Variants in MYO1B observed in about 807,000 individuals in gnomAD.
MYO1B encodes unconventional myosin-Ib.
In MYO1B, 72 loss-of-function variants were observed where a neutral mutation model predicts 159.7. That is an observed-to-expected ratio of 0.45 (90% CI 0.37 to 0.55). The LOEUF is 0.55. Ranked by LOEUF, MYO1B falls within the 20% of genes least tolerant of loss-of-function variation. The pLI, the probability that MYO1B is intolerant of heterozygous loss-of-function variation, is 0.00. For missense variants in MYO1B, 1,062 were observed against 1,364.8 expected (o/e 0.78, Z 3.50); for synonymous variants, 468 against 473.8 (o/e 0.99, Z 0.16).
intron 23 of MYO1B, among the ~76,000 whole-genome samples, chr2:191,401,060 G>A (rs1477956046): frequency 6.6e-6 from 1 of 152,042 alleles, no homozygotes; most frequent in African/African-American, 2.4e-5. Context: ...AAAGGCACTA[G>A]TATCATTGCT....
chr2:191,419,257 T>C (rs1321039796), intron 30 of MYO1B, among the ~76,000 whole-genome samples: 1 of 152,176 alleles, frequency 6.6e-6, no homozygotes, highest in Non-Finnish European at 1.5e-5. Flanking sequence ...CTTGCACTGT[T>C]GCCCAGGCTG....
At chr2:191,365,585 T>C (rs1173394210) in intron 11 of MYO1B, among the ~76,000 whole-genome samples, 1 of 152,194 alleles carries the variant, frequency 6.6e-6, no homozygotes. Flanking sequence ...CACAGTCAGA[T>C]ACGAAGTAAC....
chr2:191,314,228 G>A (rs574732578), intron 3 of MYO1B, among the ~76,000 whole-genome samples: 37 of 152,268 alleles, frequency 2.4e-4, no homozygotes, highest in Non-Finnish European at 4.7e-4. Flanking sequence ...AAGTAAAACT[G>A]TTCATCCATT....
intron 1 of MYO1B, among the ~76,000 whole-genome samples, chr2:191,260,053 A>G (rs1287160218): frequency 1.3e-5 from 2 of 152,042 alleles, no homozygotes; most frequent in African/African-American, 2.4e-5. Context: ...AACTCTGGGA[A>G]CATCATTCTG....
intron 1 of MYO1B, among the ~76,000 whole-genome samples, chr2:191,252,197 TCA>T (rs1340508778): frequency 1.3e-5 from 2 of 152,360 alleles, no homozygotes; most frequent in Middle Eastern, 6.8e-3. Flanking sequence ...AATCGGTAGA[TCA>T]CAGTTTTGAG....
intron 1 of MYO1B, among the ~76,000 whole-genome samples, chr2:191,247,128 T>C (rs1260571531): frequency 6.6e-6 from 1 of 152,132 alleles, no homozygotes; most frequent in East Asian, 1.9e-4. Context: ...CAGGCATTCA[T>C]GGTTTGTGCC....
chr2:191,329,030 C>T (rs1691289242), intron 3 of MYO1B, among the ~76,000 whole-genome samples: 2 of 152,168 alleles, frequency 1.3e-5, no homozygotes, highest in Admixed American at 1.3e-4. Context: ...CTCTACACTC[C>T]AGCTTTTTCT....
At chr2:191,319,427 AATC>A (rs1690559485) in intron 3 of MYO1B, among the ~76,000 whole-genome samples, 1 of 152,194 alleles carries the variant, frequency 6.6e-6, no homozygotes, top group Non-Finnish European at 1.5e-5. Context: ...CCATGGTCTG[AATC>A]ATCGTCCTCT....
chr2:191,385,987 A>G lies in MYO1B; in HGVS notation c.1457A>G (p.His486Arg), dbSNP rs748161892. The G allele has an allele frequency of 2.0e-5, 32 of 1,613,988 alleles. No homozygotes were observed. The African/African-American group carries it at 3.3e-4, about 17-fold the overall frequency. The change falls in exon 16 of 31, where the codon CAC becomes CGC. Residue 486 changes from histidine to arginine, a missense_variant. Transcript: ENST00000392318. ...LEKLNQVCATHQHFESRMSKC... is the reference protein window; with the variant it reads ...LEKLNQVCATRQHFESRMSKC... ...AAGCTGAACCAAGTATGTGCCACCC[A>G]CCAGCATTTTGAGAGCAGGATGAGC...
intron 7 of MYO1B, among the ~76,000 whole-genome samples, chr2:191,356,861 T>G (rs773845893): frequency 2.0e-5 from 3 of 152,232 alleles, no homozygotes; most frequent in Non-Finnish European, 4.4e-5. Context: ...ATAAATTCAT[T>G]GAAAGAACCT....
chr2:191,342,679 T>A (rs1692297351), intron 5 of MYO1B, among the ~76,000 whole-genome samples: 1 of 152,104 alleles, frequency 6.6e-6, no homozygotes, highest in South Asian at 2.1e-4. Context: ...AAACCCCTTC[T>A]CTACTAAAAA....
chr2:191,399,135 A>G (rs10931500), intron 21 of MYO1B, among the ~76,000 whole-genome samples: 149,739 of 152,170 alleles, frequency 0.98, 73,711 homozygotes, highest in Middle Eastern at 1. Flanking sequence ...GCGTGGCGGC[A>G]CGCACCTGCA....
At chr2:191,258,060 A>T (rs1239946320) in intron 1 of MYO1B, among the ~76,000 whole-genome samples, 2 of 152,224 alleles carry the variant, frequency 1.3e-5, no homozygotes, top group African/African-American at 4.8e-5. Flanking sequence ...GAACCAATAT[A>T]TGTATCGCTT....
In MYO1B at chr2:191,392,192, C is replaced by A; in HGVS notation, c.2067C>A (p.Asn689Lys). The change falls in exon 19 of 31, where the codon AAC (asparagine) becomes AAA (lysine). Residue 689 changes from asparagine (N) to lysine (K), a missense_variant. Asn to Lys is a moderately conservative substitution (Grantham distance 94, BLOSUM62 0). Around this residue, in one of 5 missense-constraint regions of MYO1B, gnomAD observed 609 missense variants for 744.4 expected, o/e 0.82. Transcript: ENST00000392318. Reference protein sequence around the residue: ...SFGRSKIFIRNPRTLFKLEDL... With the variant: ...SFGRSKIFIRKPRTLFKLEDL... Reference sequence around the variant, plus strand: ...GTAGATCAAAGATATTCATCCGAAACCCAAGAACAGTATGTAACGAAAACC... The same window carrying A: ...GTAGATCAAAGATATTCATCCGAAAACCAAGAACAGTATGTAACGAAAACC... 6.2e-7 allele frequency: 1 copy of A among 1,602,590 alleles called. No individual in the cohort carries two copies. The highest frequency in any genetic ancestry group is 1.1e-5 in the South Asian group (1 of 89,460).
At chr2:191,285,716 C>T (rs765625049) in intron 2 of MYO1B, among the ~76,000 whole-genome samples, 16 of 152,108 alleles carry the variant, frequency 1.1e-4, no homozygotes, top group Non-Finnish European at 2.4e-4. Flanking sequence ...AGTGAGGGAA[C>T]CAGCTTGCAG....
At chr2:191,391,691 T>G (rs1695762092) in intron 18 of MYO1B, among the ~76,000 whole-genome samples, 1 of 152,198 alleles carries the variant, frequency 6.6e-6, no homozygotes, top group African/African-American at 2.4e-5. Flanking sequence ...CTGGGACTGT[T>G]TCTTGGTCTC....
At chr2:191,364,850 C>T (rs1306561894) in intron 11 of MYO1B, among the ~76,000 whole-genome samples, 1 of 152,174 alleles carries the variant, frequency 6.6e-6, no homozygotes, top group Non-Finnish European at 1.5e-5. Flanking sequence ...CTTGCTGGTG[C>T]TAGCTGGTTT....
intron 1 of MYO1B, among the ~76,000 whole-genome samples, chr2:191,256,865 C>T (rs533490062): frequency 2.9e-4 from 44 of 152,164 alleles, no homozygotes; most frequent in Admixed American, 4.6e-4. Flanking sequence ...AACTAGGTAA[C>T]GGTGTTGAAT....
Position 191,387,275 on chromosome 2 carries a change from C to T in MYO1B, c.1606C>T (p.Arg536Ter), listed in dbSNP as rs764822931. The change falls in exon 17 of 31, where the codon CGA becomes TGA. Residue 536 changes from arginine (R) to a stop codon, truncating the protein, a stop_gained. Coordinates refer to ENST00000392318, the MANE Select transcript of MYO1B (RefSeq NM_001130158.3). LOFTEE classifies it high-confidence loss of function. ...TGACAAAAACAATGACCTTCTCTATCGAGACCTGTCCCAAGCCATGTGGAA... is the reference window on the plus strand; with the variant it reads ...TGACAAAAACAATGACCTTCTCTATTGAGACCTGTCCCAAGCCATGTGGAA... The part of the protein sequence containing the change: ...FVDKNNDLLY[R>*]DLSQAMWKAS... The T allele has an allele frequency of 5.0e-6, 8 of 1,614,152 alleles. No homozygotes were observed. Among genetic ancestry groups the T allele is most frequent in the East Asian group, 2.2e-5 (1 of 44,884 alleles).
Sources: allele counts gnomAD v4.1 joint callset (sites outside exome capture counted in the v4.1 genomes callset), GRCh38; gene constraint gnomAD v4.1.1; regional missense constraint gnomAD v4.1.1; transcripts MANE v1.5; gene names NCBI Gene and HGNC (gene_info 2026-07-23, HGNC 2026-07-21).